Variants in FRMD3 observed in about 807,000 individuals in gnomAD.
FRMD3 encodes the protein FERM domain containing 3.
A neutral mutation model predicts 70.2 loss-of-function variants in FRMD3; 33 were observed. That is an observed-to-expected ratio of 0.47 (90% CI 0.36 to 0.63). The LOEUF (loss-of-function observed/expected upper bound fraction) is 0.63. FRMD3 is among the 20% of genes least tolerant of loss of function. The pLI is 0.00. For synonymous variants in FRMD3, 279 were observed against 255.9 expected (o/e 1.09, Z -0.86); for missense variants, 632 against 711.4 (o/e 0.89, Z 1.27).
At chr9:83,441,773 G>T (rs543488559) in intron 1 of FRMD3, among the ~76,000 whole-genome samples, 1 of 152,042 alleles carries the variant, frequency 6.6e-6, no homozygotes, top group African/African-American at 2.4e-5. Flanking sequence ...ATCTGCGGAC[G>T]CCACCAGCTT....
chr9:83,564,794 G>A, the FRMD3 span, among the ~76,000 whole-genome samples: 5 of 152,188 alleles, frequency 3.3e-5, no homozygotes, highest in African/African-American at 9.7e-5. Context: ...TCTTGCCAAG[G>A]CAGGAGGTGA....
the FRMD3 span, among the ~76,000 whole-genome samples, chr9:83,557,449 T>G: frequency 6.6e-6 from 1 of 152,216 alleles, no homozygotes; most frequent in African/African-American, 2.4e-5. Context: ...TTTATCTGCC[T>G]GCATGGAAAT....
intron 1 of FRMD3, among the ~76,000 whole-genome samples, chr9:83,391,333 C>T (rs1490568492): frequency 6.6e-6 from 1 of 152,168 alleles, no homozygotes; most frequent in Non-Finnish European, 1.5e-5. Context: ...AGAAAATAAT[C>T]ATTGGCTTTA....
chr9:83,526,049 T>A (rs1056021003), intron 1 of FRMD3, among the ~76,000 whole-genome samples: 3 of 152,214 alleles, frequency 2.0e-5, no homozygotes, highest in Admixed American at 1.3e-4. Flanking sequence ...AACTGTCTAT[T>A]GAGAATTCTC....
At chr9:83,484,547 A>G (rs1333445601) in intron 1 of FRMD3, among the ~76,000 whole-genome samples, 1 of 152,110 alleles carries the variant, frequency 6.6e-6, no homozygotes, top group African/African-American at 2.4e-5. Flanking sequence ...CCTCTCAAGT[A>G]GCTGGGATTA....
the FRMD3 span, among the ~76,000 whole-genome samples, chr9:83,554,607 C>T: frequency 2.6e-5 from 4 of 152,152 alleles, no homozygotes; most frequent in East Asian, 1.9e-4. Context: ...CTTCTTGGGT[C>T]GATTGCAGCT....
At chr9:83,360,672 C>T (rs549139253) in intron 3 of FRMD3, among the ~76,000 whole-genome samples, 2 of 152,294 alleles carry the variant, frequency 1.3e-5, no homozygotes, top group South Asian at 4.1e-4. Context: ...CCGCTTCCCA[C>T]GAGGAGTGCT....
Position 83,330,346 on chromosome 9 carries a change from A to AT in FRMD3, c.596+5169_596+5170insA, listed in dbSNP as rs397950077. Reference sequence around the variant, plus strand: ...TCTCAAAAAAAAAAAAACAAAAAAAACAGAGGACCATCAAGTCCTCAGGGG... The same window carrying AT: ...TCTCAAAAAAAAAAAAACAAAAAAAATCAGAGGACCATCAAGTCCTCAGGGG... On this transcript the variant is annotated intron_variant, in intron 6 of 13. Transcript: ENST00000304195. Among the ~76,000 whole-genome samples, 11 of 151,732 alleles carry AT rather than the reference A, an allele frequency of 7.2e-5. No homozygotes were observed. The East Asian group carries it at 1.7e-3, about 24-fold the overall frequency.
At chr9:83,339,411 TACA>T (rs1823683673) in intron 5 of FRMD3, among the ~76,000 whole-genome samples, 2 of 152,180 alleles carry the variant, frequency 1.3e-5, no homozygotes, top group Admixed American at 1.3e-4. Context: ...ACAAATGACA[TACA>T]ACTGGAGGCC....
intron 2 of FRMD3, among the ~76,000 whole-genome samples, chr9:83,383,550 T>C (rs1207100153): frequency 1.3e-5 from 2 of 152,236 alleles, no homozygotes; most frequent in Non-Finnish European, 2.9e-5. Flanking sequence ...CTTCCAAACC[T>C]GCTGGTCTCT....
chr9:83,563,613 C>T, the FRMD3 span, among the ~76,000 whole-genome samples: 2 of 152,126 alleles, frequency 1.3e-5, no homozygotes, highest in Non-Finnish European at 2.9e-5. Context: ...CCCACTCCCT[C>T]CTCCAGCTAA....
intron 13 of FRMD3, among the ~76,000 whole-genome samples, chr9:83,257,114 A>T (rs1832743816): frequency 6.6e-6 from 1 of 152,214 alleles, no homozygotes; most frequent in South Asian, 2.1e-4. Flanking sequence ...AAGACATGGA[A>T]TCAAACTAAA....
At chr9:83,438,009 C>T (rs1191579608) in intron 1 of FRMD3, among the ~76,000 whole-genome samples, 1 of 152,116 alleles carries the variant, frequency 6.6e-6, no homozygotes, top group East Asian at 1.9e-4. Flanking sequence ...AATCAGCCTC[C>T]CCTCCCACAC....
chr9:83,326,249 G>T (rs1254230684), intron 6 of FRMD3, among the ~76,000 whole-genome samples: 1 of 152,152 alleles, frequency 6.6e-6, no homozygotes, highest in Non-Finnish European at 1.5e-5. Context: ...AGTATGTTCT[G>T]TCCTTGCCCT....
the FRMD3 span, among the ~76,000 whole-genome samples, chr9:83,568,010 G>A: frequency 2.0e-5 from 3 of 152,094 alleles, no homozygotes; most frequent in Admixed American, 6.5e-5. Flanking sequence ...CCAAATTCAC[G>A]CTGCTGATAA....
chr9:83,309,623 T>C lies in FRMD3; in HGVS notation c.839A>G (p.Lys280Arg), dbSNP rs1835275227. The C allele has an allele frequency of 1.3e-6, 2 of 1,571,290 alleles. No individual in the cohort carries two copies. Among genetic ancestry groups the C allele is most frequent in the African/African-American group, 1.4e-5 (1 of 73,124 alleles). Residue 280 changes from lysine to arginine, a missense_variant and splice_region_variant, in exon 10 of 14, where the codon AAA (lysine) becomes AGA (arginine). By Grantham distance (26) the Lys-to-Arg change is conservative. This residue lies in a region of FRMD3 where 418 missense variants were observed against 442.1 expected (regional missense o/e 0.95). Coordinates refer to ENST00000304195, the MANE Select transcript of FRMD3 (RefSeq NM_174938.6). The part of the protein sequence containing the change: ...TFYVIGTQKE[K>R]KAMLAFHTST... ...AGTATGGAATGCCAACATGGCTTTT[T>C]TCTAATTAAAAAATAACAAAACAAG... is the stretch of plus-strand genomic sequence containing the variant.
At position 83,245,582 on chromosome 9, in the gene FRMD3, G is replaced by C. The variant is rs533863513; in HGVS notation, c.*2336C>G. The C allele has an allele frequency of 2.4e-6, 2 of 833,500 alleles. No homozygotes were observed. The highest frequency in any genetic ancestry group is 5.5e-5 in the South Asian group (1 of 18,206). The allele number at this position is 833,500 out of a possible 1,614,324, so 51.6% of individuals were successfully genotyped here. ...TCCTTAAGATAAATCTGCATCGTTGGATTACATGTGATATTTATACTATCA... is the reference window on the plus strand; with the variant it reads ...TCCTTAAGATAAATCTGCATCGTTGCATTACATGTGATATTTATACTATCA... On this transcript the variant is annotated 3_prime_UTR_variant, in exon 14 of 14. Transcript: ENST00000304195.
chr9:83,569,739 G>A, the FRMD3 span, among the ~76,000 whole-genome samples: 54 of 152,216 alleles, frequency 3.5e-4, 1 homozygote, highest in South Asian at 9.8e-3. Flanking sequence ...TTTTCAAAAC[G>A]GCTACAATTT....
intron 1 of FRMD3, among the ~76,000 whole-genome samples, chr9:83,522,394 G>C (rs373476511): frequency 6.1e-4 from 93 of 151,994 alleles, no homozygotes; most frequent in African/African-American, 1.4e-3. Context: ...TTCAGCGGCT[G>C]GGGGGGCAGG....
Sources: allele counts gnomAD v4.1 joint callset (sites outside exome capture counted in the v4.1 genomes callset), GRCh38; gene constraint gnomAD v4.1.1; regional missense constraint gnomAD v4.1.1; transcripts MANE v1.5; gene names NCBI Gene and HGNC (gene_info 2026-07-23, HGNC 2026-07-21).